The following ZNF804B variants were observed in gnomAD, a reference collection of about 807,000 sequenced individuals.
The protein encoded by ZNF804B is zinc finger protein 804B.
ZNF804B carries 80 observed loss-of-function variants against 101.4 expected under a neutral mutation model. The observed-to-expected ratio is 0.79, with a 90% CI of 0.66 to 0.95. ZNF804B has a LOEUF of 0.95. Ranked by LOEUF, ZNF804B falls within the 40% of genes least tolerant of loss-of-function variation. The pLI is 0.00. For missense variants in ZNF804B, 1,673 were observed against 1,561.9 expected (o/e 1.07, Z -1.20); for synonymous variants, 622 against 558.8 (o/e 1.11, Z -1.59).
chr7:89,263,306 C>G (rs1032013373), intron 2 of ZNF804B, among the ~76,000 whole-genome samples: 1 of 152,096 alleles, frequency 6.6e-6, no homozygotes, highest in African/African-American at 2.4e-5. Flanking sequence ...CCACGCCCTA[C>G]CAGCACAGAC....
chr7:88,905,133 G>A (rs1792448937), intron 1 of ZNF804B, among the ~76,000 whole-genome samples: 1 of 152,078 alleles, frequency 6.6e-6, no homozygotes, highest in African/African-American at 2.4e-5. Context: ...TTGACACCTA[G>A]CCTGTTAAGG....
At position 89,335,617 on chromosome 7, in the gene ZNF804B, C is replaced by A; in HGVS notation, c.2635C>A (p.His879Asn). The A allele has an allele frequency of 1.2e-6, 2 of 1,613,952 alleles. No homozygotes were observed. The highest frequency in any genetic ancestry group is 1.7e-6 in the Non-Finnish European group (2 of 1,179,962). ...KRNQESLGSP[H>N]ICDLGKVRPM... ...AAATCAAGAGTCTTTGGGCAGCCCT[C>A]ACATTTGTGATCTGGGAAAAGTCAG... The change falls in exon 4 of 4, where the codon CAC (histidine) becomes AAC (asparagine). Residue 879 changes from histidine (H) to asparagine (N), a missense_variant. His to Asn is a moderately conservative substitution (Grantham distance 68, BLOSUM62 1). Transcript: ENST00000333190.
chr7:89,029,813 A>G (rs1008887086), intron 1 of ZNF804B, among the ~76,000 whole-genome samples: 2 of 152,194 alleles, frequency 1.3e-5, no homozygotes, highest in African/African-American at 2.4e-5. Context: ...ATTGAGTGTT[A>G]GAAGCTGGAA....
intron 1 of ZNF804B, among the ~76,000 whole-genome samples, chr7:88,846,412 A>G (rs1405169372): frequency 6.6e-6 from 1 of 152,210 alleles, no homozygotes; most frequent in Admixed American, 6.5e-5. Context: ...AAAAGGAGGA[A>G]TGAAAAGTGG....
At chr7:88,926,727 T>G (rs1056581220) in intron 1 of ZNF804B, among the ~76,000 whole-genome samples, 2 of 152,094 alleles carry the variant, frequency 1.3e-5, no homozygotes, top group Non-Finnish European at 2.9e-5. Flanking sequence ...TAGCTAGTGT[T>G]TCCTAATCCA....
At position 89,092,408 on chromosome 7, in the gene ZNF804B, G is replaced by GTTTTTTTT. The variant is rs71120056; in HGVS notation, c.109-125732_109-125725dup. ...CTAACATTGATTTCTTTTCTTTTCT[G>GTTTTTTTT]TTTTTTTTTTTTTTTTTTTTTTGAG... On this transcript the variant is annotated intron_variant, in intron 1 of 3. Transcript: ENST00000333190. Among the ~76,000 whole-genome samples the GTTTTTTTT allele has an allele frequency of 3.8e-4, 36 of 93,818 alleles. 1 individual carries two copies. Among genetic ancestry groups the GTTTTTTTT allele is most frequent in the South Asian group, 8.0e-4 (2 of 2,512 alleles). The allele number at this position is 93,818 out of a possible 152,430, so 61.5% of individuals were successfully genotyped here. A position where few individuals can be genotyped will look rare whatever the true frequency, so the allele number is the denominator to read the frequency against.
At chr7:88,926,933 T>C (rs1792809138) in intron 1 of ZNF804B, among the ~76,000 whole-genome samples, 1 of 87,808 alleles carries the variant, frequency 1.1e-5, no homozygotes, top group African/African-American at 8.1e-5. Context: ...GTCTGCCGGG[T>C]GGTGGGGAGC....
At chr7:88,948,305 C>CT (rs1793168520) in intron 1 of ZNF804B, among the ~76,000 whole-genome samples, 2 of 116,546 alleles carry the variant, frequency 1.7e-5, no homozygotes, top group African/African-American at 3.2e-5. Context: ...GCCACCCATC[C>CT]ATTTTTTTTT....
chr7:89,232,110 G>T (rs1468429451), intron 2 of ZNF804B, among the ~76,000 whole-genome samples: 1 of 152,046 alleles, frequency 6.6e-6, no homozygotes, highest in Non-Finnish European at 1.5e-5. Flanking sequence ...TTTATTGAGA[G>T]GGTGTTTTAT....
intron 1 of ZNF804B, among the ~76,000 whole-genome samples, chr7:89,019,201 A>G (rs900353981): frequency 6.6e-6 from 1 of 152,016 alleles, no homozygotes; most frequent in Non-Finnish European, 1.5e-5. Context: ...ATTTGTTTCA[A>G]TAATTTTTTA....
intron 1 of ZNF804B, among the ~76,000 whole-genome samples, chr7:88,854,532 TTCC>T (rs1194810566): frequency 5.9e-4 from 26 of 44,346 alleles, no homozygotes; most frequent in African/African-American, 1.4e-3. Context: ...CTTCCTTTCC[TTCC>T]TTCCTTCCTT....
At chr7:89,194,788 C>CTCTTTTTT (rs1788519337) in intron 1 of ZNF804B, among the ~76,000 whole-genome samples, 4 of 150,742 alleles carry the variant, frequency 2.7e-5, no homozygotes, top group African/African-American at 9.8e-5. Context: ...ATTGACTTGG[C>CTCTTTTTT]GATGCGGGCT....
intron 1 of ZNF804B, among the ~76,000 whole-genome samples, chr7:88,905,326 G>C (rs1412605372): frequency 6.6e-6 from 1 of 151,640 alleles, no homozygotes; most frequent in Non-Finnish European, 1.5e-5. Context: ...TTAACTTTTT[G>C]ATGTGCTGTT....
At chr7:89,263,481 T>C (rs1789739877) in intron 2 of ZNF804B, among the ~76,000 whole-genome samples, 1 of 152,174 alleles carries the variant, frequency 6.6e-6, no homozygotes, top group Non-Finnish European at 1.5e-5. Context: ...ATGAATTTGA[T>C]GCAGAAGGAG....
At chr7:89,180,517 A>G (rs1458318827) in intron 1 of ZNF804B, among the ~76,000 whole-genome samples, 1 of 151,958 alleles carries the variant, frequency 6.6e-6, no homozygotes, top group Non-Finnish European at 1.5e-5. Flanking sequence ...CCTTTCTTTC[A>G]AGGCAATGGG....
At chr7:88,767,067 A>G (rs191311679) in intron 1 of ZNF804B, among the ~76,000 whole-genome samples, 2 of 152,206 alleles carry the variant, frequency 1.3e-5, no homozygotes, top group Admixed American at 1.3e-4. Flanking sequence ...GTCCTTATTC[A>G]TTTCATTCAC....
At chr7:89,022,241 C>T (rs1584078764) in intron 1 of ZNF804B, among the ~76,000 whole-genome samples, 1 of 152,160 alleles carries the variant, frequency 6.6e-6, no homozygotes, top group South Asian at 2.1e-4. Flanking sequence ...CAGTTAAATT[C>T]TATCTGTTTA....
intron 2 of ZNF804B, among the ~76,000 whole-genome samples, chr7:89,227,604 T>C (rs1323116046): frequency 3.9e-5 from 6 of 152,150 alleles, no homozygotes; most frequent in African/African-American, 1.4e-4. Flanking sequence ...GTGGGGTAAA[T>C]AGCATTTTCA....
intron 1 of ZNF804B, among the ~76,000 whole-genome samples, chr7:88,977,318 T>G (rs899409034): frequency 2.0e-5 from 3 of 151,218 alleles, no homozygotes; most frequent in Admixed American, 1.3e-4. Context: ...TGGGTAGCAT[T>G]GGTATTAGTT....
Sources: allele counts gnomAD v4.1 joint callset (sites outside exome capture counted in the v4.1 genomes callset), GRCh38; gene constraint gnomAD v4.1.1; transcripts MANE v1.5; gene names NCBI Gene and HGNC (gene_info 2026-07-23, HGNC 2026-07-21).